The following BBX variants were observed in gnomAD, a reference collection of about 807,000 sequenced individuals.
The protein encoded by BBX is BBX high mobility group box domain containing, also known as HMG box transcription factor BBX.
Under a neutral mutation model 100.2 loss-of-function variants are expected in BBX, and 30 were observed. The observed-to-expected ratio is 0.30, with a 90% confidence interval of 0.22 to 0.41. The LOEUF (loss-of-function observed/expected upper bound fraction) is 0.41. BBX is among the 10% of genes least tolerant of loss of function. The pLI, the probability that BBX is intolerant of heterozygous loss-of-function variation, is 1.00. For missense variants in BBX, 1,023 were observed against 1,129.8 expected (o/e 0.91, Z 1.35); for synonymous variants, 376 against 388.1 (o/e 0.97, Z 0.37).
At chr3:107,775,020 T>G (rs547766555) in intron 12 of BBX, among the ~76,000 whole-genome samples, 163 bp downstream of exon 12, 2 of 152,316 alleles carry the variant, frequency 1.3e-5, no homozygotes, top group East Asian at 3.9e-4. Context: ...ATCAAGTGCA[T>G]CACATCATTC....
At chr3:107,692,556 T>C (rs1366069365) in intron 3 of BBX, among the ~76,000 whole-genome samples, 2 of 152,124 alleles carry the variant, frequency 1.3e-5, no homozygotes, top group Non-Finnish European at 2.9e-5. Context: ...AGTAGTATTC[T>C]ATGGTGTATA....
At chr3:107,753,027 C>T (rs1198736288) in intron 9 of BBX, among the ~76,000 whole-genome samples, 1 of 152,128 alleles carries the variant, frequency 6.6e-6, no homozygotes, top group Non-Finnish European at 1.5e-5. Context: ...GATGAGATTA[C>T]TGAGAGAGGG....
At chr3:107,552,037 C>G (rs2049725146) in intron 2 of BBX, among the ~76,000 whole-genome samples, 2 of 151,990 alleles carry the variant, frequency 1.3e-5, no homozygotes. Flanking sequence ...GAGTTTAGTA[C>G]AGCGTTAAAG....
chr3:107,628,916 A>G (rs1292297715), intron 2 of BBX, among the ~76,000 whole-genome samples: 2 of 152,192 alleles, frequency 1.3e-5, no homozygotes, highest in Non-Finnish European at 2.9e-5. Flanking sequence ...TAGATAGTAA[A>G]CTACATCATG....
chr3:107,600,774 G>A (rs796480015), intron 2 of BBX, among the ~76,000 whole-genome samples: 64 of 152,248 alleles, frequency 4.2e-4, no homozygotes, highest in African/African-American at 1.5e-3. Context: ...AGAGAAGACG[G>A]AATCTGGGAA....
chr3:107,554,375 T>TAA (rs1019383691), intron 2 of BBX, among the ~76,000 whole-genome samples: 3 of 152,232 alleles, frequency 2.0e-5, no homozygotes, highest in African/African-American at 7.2e-5. Flanking sequence ...CAAGAAATTG[T>TAA]AAATAGACTG....
Position 107,806,839 on chromosome 3 carries a change from C to G in BBX, c.*1382C>G, listed in dbSNP as rs2071095223. 6.6e-6 allele frequency: 1 copy of G among 152,176 alleles called. No individual in the cohort carries two copies. 9.4% of individuals were successfully genotyped at this position (152,176 alleles called of 1,614,324 possible). On this transcript the variant is annotated 3_prime_UTR_variant, in exon 18 of 18. Transcript: ENST00000325805. Reference sequence around the variant, plus strand: ...ATTTGTTCTATAGCACAAAGTATTTCCCCACTCTTGCGTCACAGCACAAAC... The same window carrying G: ...ATTTGTTCTATAGCACAAAGTATTTGCCCACTCTTGCGTCACAGCACAAAC...
chr3:107,555,717 G>A (rs374729315), intron 2 of BBX, among the ~76,000 whole-genome samples: 2 of 152,176 alleles, frequency 1.3e-5, no homozygotes, highest in Admixed American at 6.5e-5. Flanking sequence ...CTTGAATGCT[G>A]AAAGCGTCTC....
At chr3:107,671,266 T>A (rs1451339127) in intron 3 of BBX, among the ~76,000 whole-genome samples, 1 of 152,082 alleles carries the variant, frequency 6.6e-6, no homozygotes, top group Non-Finnish European at 1.5e-5. Context: ...AAATTAGCAT[T>A]CAGATTATAT....
rs779967848 is a variant in BBX at position 107,716,595 on chromosome 3, T to G, written c.163-12T>G. 2 of 1,607,934 alleles carry G rather than the reference T, an allele frequency of 1.2e-6. No individual in the cohort carries two copies. Among genetic ancestry groups the G allele is most frequent in the Non-Finnish European group, 1.7e-6 (2 of 1,175,118 alleles). ...TATGTTAAAGATCTGGCTTTGTTTTTGGTGGTAATAGGTTCAACTTCTTGG... is the reference window on the plus strand; with the variant it reads ...TATGTTAAAGATCTGGCTTTGTTTTGGGTGGTAATAGGTTCAACTTCTTGG... On this transcript the variant is annotated splice_polypyrimidine_tract_variant and intron_variant, in intron 4 of 17. Transcript: ENST00000325805.
rs1051995698 is a variant in BBX, at chr3:107,810,606, C to T, written c.*5149C>T. The T allele has an allele frequency of 1.3e-5, 2 of 152,184 alleles. No individual in the cohort carries two copies. Among genetic ancestry groups the T allele is most frequent in the Non-Finnish European group, 2.9e-5 (2 of 68,038 alleles). 9.4% of individuals were successfully genotyped at this position (152,184 alleles called of 1,614,324 possible). On this transcript the variant is annotated 3_prime_UTR_variant, in exon 18 of 18. Transcript: ENST00000325805. ...GCCCACCAGAGGGGTGGGCTCATGT[C>T]CCCTGACTCCTCACATGAGTGCCTC...
At chr3:107,765,961 C>T (rs1388275028) in intron 10 of BBX, among the ~76,000 whole-genome samples, 1 of 148,432 alleles carries the variant, frequency 6.7e-6, no homozygotes, top group Non-Finnish European at 1.5e-5. Context: ...TAGTAATAGA[C>T]AAACTGTGGA....
intron 2 of BBX, among the ~76,000 whole-genome samples, chr3:107,534,754 G>A (rs982057965): frequency 6.6e-6 from 1 of 152,172 alleles, no homozygotes; most frequent in African/African-American, 2.4e-5. Context: ...GGGATTATAA[G>A]GAACCTTTAT....
chr3:107,783,714 A>G (rs1357937267), intron 13 of BBX, among the ~76,000 whole-genome samples: 1 of 152,028 alleles, frequency 6.6e-6, no homozygotes, highest in Non-Finnish European at 1.5e-5. Context: ...GTTGTATAAA[A>G]CACATGAGGC....
intron 2 of BBX, among the ~76,000 whole-genome samples, chr3:107,636,384 TA>T (rs1189908404): frequency 6.6e-6 from 1 of 152,234 alleles, no homozygotes; most frequent in Non-Finnish European, 1.5e-5. Flanking sequence ...CATACATGTC[TA>T]TAATTTGCTG....
At position 107,805,637 on chromosome 3, in the gene BBX, A is replaced by T. The variant is rs1214619255; in HGVS notation, c.*180A>T. ...ATCCTGGGCCAGTTTGTTCTCTCAG[A>T]ACCCAGAATCTTTGAGGGTAAGGTT... is the stretch of plus-strand genomic sequence containing the variant. On this transcript the variant is annotated 3_prime_UTR_variant, in exon 18 of 18. Coordinates refer to ENST00000325805, the MANE Select transcript of BBX (RefSeq NM_001142568.3). 8.4e-7 allele frequency: 1 copy of T among 1,196,886 alleles called. No homozygotes were observed. Among genetic ancestry groups the T allele is most frequent in the Non-Finnish European group, 1.2e-6 (1 of 864,596 alleles). The allele number at this position is 1,196,886 out of a possible 1,614,324, so 74.1% of individuals were successfully genotyped here. A position where few individuals can be genotyped will look rare whatever the true frequency, so the allele number is the denominator to read the frequency against.
chr3:107,613,919 A>AATTCAGGG (rs960673059), intron 2 of BBX, among the ~76,000 whole-genome samples: 1 of 149,834 alleles, frequency 6.7e-6, no homozygotes, highest in Non-Finnish European at 1.5e-5. Flanking sequence ...GTATAGCTGA[A>AATTCAGGG]ATTCAGGGTC....
chr3:107,653,122 G>A (rs2057940810), intron 3 of BBX, among the ~76,000 whole-genome samples: 1 of 152,198 alleles, frequency 6.6e-6, no homozygotes, highest in South Asian at 2.1e-4. Flanking sequence ...TTCGTTCAGG[G>A]AGAGGAGTGT....
intron 2 of BBX, among the ~76,000 whole-genome samples, chr3:107,590,927 A>G (rs2053258820): frequency 6.6e-6 from 1 of 152,242 alleles, no homozygotes; most frequent in South Asian, 2.1e-4. Flanking sequence ...CACAAGTTGC[A>G]TGTGGTCCCA....
Sources: gnomAD v4.1 joint callset for allele counts (sites outside exome capture counted in the v4.1 genomes callset) on GRCh38, gnomAD v4.1.1 for gene constraint, MANE v1.5 for transcripts, NCBI Gene and HGNC (gene_info 2026-07-23, HGNC 2026-07-21) for gene names.